The following ING5 variants were observed in gnomAD, a reference collection of about 807,000 sequenced individuals.
ING5 encodes the protein inhibitor of growth family member 5.
ING5 carries 17 observed loss-of-function variants against 37.4 expected under a neutral mutation model. The observed-to-expected ratio is 0.45, with a 90% CI of 0.31 to 0.68. ING5 has a LOEUF of 0.68. Ranked by LOEUF, ING5 falls within the 30% of genes least tolerant of loss-of-function variation. The probability of loss-of-function intolerance (pLI) is 0.05; values close to 1 mark genes in which losing one functional copy is unlikely to be tolerated. For missense variants in ING5, 233 were observed against 311.9 expected, an observed-to-expected ratio of 0.75 and a Z score of 1.91; for synonymous variants, 123 against 116.6, an observed-to-expected ratio of 1.06 and a Z score of -0.36.
At chr2:241,692,104 A>G (rs1035152277) in intron 2 of ING5, among the ~76,000 whole-genome samples, 3 of 152,066 alleles carry the variant, frequency 2.0e-5, no homozygotes, top group Admixed American at 6.6e-5. Flanking sequence ...AAATTAATCA[A>G]GGAAGAGGGG....
intron 5 of ING5, chr2:241,719,758 A>G (rs2070380278): frequency 1.4e-6 from 2 of 1,449,440 alleles, no homozygotes; most frequent in Admixed American, 5.5e-5. Flanking sequence ...CTGCAAACAC[A>G]GGAAGATCCA....
At chr2:241,721,608 C>G (rs1054236826) in intron 5 of ING5, 1 of 985,298 alleles carries the variant, frequency 1.0e-6, no homozygotes, top group Non-Finnish European at 1.2e-6. Context: ...TTTCCCTGAT[C>G]GTGACTGTTT....
At chr2:241,703,587 C>CAG (rs10637961) in intron 1 of ING5, among the ~76,000 whole-genome samples, 142,815 of 151,998 alleles carry the variant, frequency 0.94, 67,228 homozygotes, top group East Asian at 1. Flanking sequence ...TTGGGCAGCT[C>CAG]AGAGAGAACA....
At chr2:241,693,123 G>A (rs758413850) in intron 2 of ING5, among the ~76,000 whole-genome samples, 4 of 151,990 alleles carry the variant, frequency 2.6e-5, no homozygotes, top group Non-Finnish European at 4.4e-5. Context: ...GCTGGGTGTG[G>A]TGACGGGCGC....
At chr2:241,718,070 T>C (rs1349328964) in intron 5 of ING5, among the ~76,000 whole-genome samples, 1 of 152,178 alleles carries the variant, frequency 6.6e-6, no homozygotes, top group Admixed American at 6.5e-5. Context: ...TGGAGTGCGG[T>C]GGCGCAATCT....
chr2:241,714,793 A>G (rs2070217665), intron 5 of ING5, among the ~76,000 whole-genome samples: 1 of 151,854 alleles, frequency 6.6e-6, no homozygotes, highest in African/African-American at 2.4e-5. Context: ...ACAGGGTTTC[A>G]TCATGTTGCC....
At chr2:241,707,989 C>G (rs62191342) in intron 2 of ING5, among the ~76,000 whole-genome samples, 30,505 of 152,182 alleles carry the variant, frequency 0.2, 3,904 homozygotes, top group Middle Eastern at 0.3. Flanking sequence ...CCTCTGCCTC[C>G]TGGGTGCAAG....
At chr2:241,713,455 C>T (rs190402238) in intron 5 of ING5, among the ~76,000 whole-genome samples, 2,424 of 149,452 alleles carry the variant, frequency 0.016, 24 homozygotes, top group Non-Finnish European at 0.024. Context: ...ACTGCAACCT[C>T]TGCCTCCCAG....
At chr2:241,698,610 A>G (rs77248891), upstream of ING5, among the ~76,000 whole-genome samples, 14,857 of 152,052 alleles carry the variant, frequency 0.098, 729 homozygotes, top group South Asian at 0.13. Flanking sequence ...AAAATAGTCT[A>G]TAATTAAATG....
At chr2:241,720,124 G>T in intron 5 of ING5, 1 of 1,238,002 alleles carries the variant, frequency 8.1e-7, no homozygotes, top group South Asian at 4.0e-5. Flanking sequence ...TCATCCTGAG[G>T]ACCAGTCGGT....
At chr2:241,695,243 G>A (rs1175259488) in intron 2 of ING5, among the ~76,000 whole-genome samples, 3 of 151,920 alleles carry the variant, frequency 2.0e-5, no homozygotes, top group African/African-American at 7.3e-5. Context: ...TACTGAGACT[G>A]CTGTGCTGGA....
Position 241,728,294 on chromosome 2 carries a change from C to T in ING5, c.*3263C>T, listed in dbSNP as rs1691699581. ...TCCAGAAGGCCTGGCCGCCTTCTCC[C>T]TGGGGGTGATTCAAGGATTTGGTCT... On this transcript the variant is annotated 3_prime_UTR_variant, in exon 8 of 8. Transcript: ENST00000313552. 6.5e-6 allele frequency: 1 copy of T among 152,870 alleles called. No homozygotes were observed. Among genetic ancestry groups the T allele is most frequent in the Non-Finnish European group, 1.5e-5 (1 of 68,244 alleles). 9.5% of individuals were successfully genotyped at this position (152,870 alleles called of 1,614,324 possible). A position where few individuals can be genotyped will look rare whatever the true frequency, so the allele number is the denominator to read the frequency against.
intron 5 of ING5, among the ~76,000 whole-genome samples, chr2:241,716,414 T>G (rs1198616856): frequency 1.3e-5 from 2 of 149,554 alleles, no homozygotes; most frequent in Non-Finnish European, 3.0e-5. Context: ...TGCCTCAGCC[T>G]CCGCAGTAGC....
chr2:241,688,257 G>T (rs1320047559), intron 1 of ING5, among the ~76,000 whole-genome samples: 10 of 152,134 alleles, frequency 6.6e-5, no homozygotes. Context: ...GATTATTCTT[G>T]GGAGGCACCC....
intron 5 of ING5, chr2:241,722,528 G>A (rs2070458193): frequency 1.0e-6 from 1 of 985,394 alleles, no homozygotes; most frequent in Non-Finnish European, 1.2e-6. Context: ...TGCTGTTCCT[G>A]GATTTTTGTG....
In ING5 at chr2:241,728,674, G is replaced by A. The variant is rs7602993; in HGVS notation, c.*3643G>A. 91,191 of 151,658 alleles carry A rather than the reference G, an allele frequency of 0.6. 27,936 individuals are homozygous for A. The highest frequency in any genetic ancestry group is 0.79 in the East Asian group (4,029 of 5,118). The allele number at this position is 151,658 out of a possible 1,614,324, so 9.4% of individuals were successfully genotyped here. On this transcript the variant is annotated 3_prime_UTR_variant, in exon 8 of 8. Coordinates refer to ENST00000313552, the MANE Select transcript of ING5 (RefSeq NM_032329.6). Reference sequence around the variant, plus strand: ...GTGGCCTCCTGAGCAGCAGCTGACCGCCCGTCTCATGCTGGACGGGACCCC... The same window carrying A: ...GTGGCCTCCTGAGCAGCAGCTGACCACCCGTCTCATGCTGGACGGGACCCC...
chr2:241,719,107 C>G (rs1442578171), intron 5 of ING5, among the ~76,000 whole-genome samples: 2 of 152,244 alleles, frequency 1.3e-5, no homozygotes, highest in African/African-American at 4.8e-5. Flanking sequence ...GAGGTTTCCT[C>G]TCTCGCCTCC....
At chr2:241,691,826 G>C (rs1410222313) in intron 2 of ING5, among the ~76,000 whole-genome samples, 1 of 152,144 alleles carries the variant, frequency 6.6e-6, no homozygotes, top group African/African-American at 2.4e-5. Flanking sequence ...TTGGGAGGCA[G>C]GTAGATTGCT....
At chr2:241,688,535 G>A (rs1178315601) in intron 1 of ING5, among the ~76,000 whole-genome samples, 2 of 152,184 alleles carry the variant, frequency 1.3e-5, no homozygotes, top group South Asian at 4.1e-4. Context: ...CCAGACTGAA[G>A]CCTCCCCAAT....
Sources: gnomAD v4.1 joint callset for allele counts (sites outside exome capture counted in the v4.1 genomes callset) on GRCh38, gnomAD v4.1.1 for gene constraint, MANE v1.5 for transcripts, NCBI Gene and HGNC (gene_info 2026-07-23, HGNC 2026-07-21) for gene names.